The following CD177 variants were observed in gnomAD, a reference collection of about 807,000 sequenced individuals.
CD177 encodes CD177 antigen.
Under a neutral mutation model 38.1 loss-of-function variants are expected in CD177, and 41 were observed. The ratio of observed to expected loss-of-function variants is 1.07; its 90% CI spans 0.84 to 1.39. The LOEUF (loss-of-function observed/expected upper bound fraction) is 1.39, where lower values mean the gene tolerates loss of function less well. Ranked by LOEUF, CD177 falls within the 40% of genes most tolerant of loss-of-function variation. The pLI is 0.00. For synonymous variants in CD177, 236 were observed against 216.7 expected (o/e 1.09, Z -0.78); for missense variants, 619 against 523.8 (o/e 1.18, Z -1.77).
At chr19:43,354,556 C>A in intron 3 of CD177, 164 bp downstream of exon 3, 1 of 696,614 alleles carries the variant, frequency 1.4e-6, no homozygotes, top group Non-Finnish European at 2.4e-6. Context: ...CGCCCCGCTC[C>A]CTTTCCATCC....
chr19:43,354,527 T>G, intron 3 of CD177, 135 bp downstream of exon 3: 1 of 870,560 alleles, frequency 1.1e-6, no homozygotes, highest in Middle Eastern at 3.4e-4. Context: ...CTCCCCTGAC[T>G]GCTCCCTGAC....
Position 43,362,948 on chromosome 19 carries a change from C to A in CD177, c.*628C>A, listed in dbSNP as rs1280619654. ...AATGTGTCGTTAGGTGATTTTATGA[C>A]CATAGGAACATTGTAGCGTGCACTT... is the stretch of plus-strand genomic sequence containing the variant. On this transcript the variant is annotated 3_prime_UTR_variant, in exon 9 of 9. Transcript: ENST00000618265. 1 of 152,210 alleles carries A rather than the reference C, an allele frequency of 6.6e-6. No homozygotes were observed. The highest frequency in any genetic ancestry group is 1.9e-4 in the East Asian group (1 of 5,184). The allele number at this position is 152,210 out of a possible 1,614,324, so 9.4% of individuals were successfully genotyped here.
At chr19:43,360,831 T>G (rs1303066169) in intron 6 of CD177, 3 of 524,222 alleles carry the variant, frequency 5.7e-6, no homozygotes, top group Non-Finnish European at 6.8e-6. Flanking sequence ...AGATCCCAGC[T>G]CTGCAGAGAA....
At chr19:43,354,962 G>C (rs1255022449) in intron 3 of CD177, among the ~76,000 whole-genome samples, 1 of 151,542 alleles carries the variant, frequency 6.6e-6, no homozygotes, top group East Asian at 1.9e-4. Context: ...CTGCTTCTGT[G>C]TCTCCCCTCG....
rs142977234 is a variant in CD177, at chr19:43,360,108, A to G, written c.620-157A>G. On this transcript the variant is annotated intron_variant, in intron 5 of 8. Coordinates refer to ENST00000618265, the MANE Select transcript of CD177 (RefSeq NM_020406.4). ...AGGGAACAATGGGGGTGGGATTTCG[A>G]CTCCCAAGTCCCTTCTGAATCCTTG... Among the ~76,000 whole-genome samples the G allele has an allele frequency of 2.3e-3, 354 of 151,290 alleles. 3 individuals carry two copies. The highest frequency in any genetic ancestry group is 8.2e-3 in the African/African-American group (337 of 41,092).
downstream of CD177, among the ~76,000 whole-genome samples, chr19:43,363,373 CAG>C (rs10572342): frequency 0.74 from 108,046 of 146,854 alleles, 38,053 homozygotes; most frequent in East Asian, 0.97. Context: ...AATCTGCAGA[CAG>C]AGAGAGAGAG....
At chr19:43,354,875 T>C (rs188735381) in intron 3 of CD177, among the ~76,000 whole-genome samples, 1 of 152,160 alleles carries the variant, frequency 6.6e-6, no homozygotes, top group Admixed American at 6.5e-5. Flanking sequence ...TCTCCTGTTC[T>C]TGGAGGTTTA....
intron 3 of CD177, among the ~76,000 whole-genome samples, chr19:43,355,104 CTTTTTTTT>C (rs1156547437): frequency 1.5e-4 from 4 of 26,832 alleles, no homozygotes; most frequent in African/African-American, 6.2e-4. Context: ...CTTTTCTTTT[CTTTTTTTT>C]TTTTTTTTTT....
chr19:43,361,700 G>A (rs927145531), intron 8 of CD177, 121 bp downstream of exon 8: 25 of 1,047,390 alleles, frequency 2.4e-5, no homozygotes, highest in Non-Finnish European at 3.5e-5. Context: ...TGGGGGCCTG[G>A]ACTCCTGGTC....
chr19:43,355,337 C>G (rs1372666198), intron 3 of CD177, among the ~76,000 whole-genome samples: 1 of 151,434 alleles, frequency 6.6e-6, no homozygotes, highest in African/African-American at 2.4e-5. Context: ...TGGTCTTGAA[C>G]TCCTGACCTC....
In CD177 at chr19:43,362,102, A is replaced by C; in HGVS notation, c.1096A>C (p.Lys366Gln). 1.9e-6 allele frequency: 3 copies of C among 1,613,678 alleles called. No homozygotes were observed. Among genetic ancestry groups the C allele is most frequent in the Non-Finnish European group, 2.5e-6 (3 of 1,179,668 alleles). Residue 366 changes from lysine (K) to glutamine (Q), a missense_variant, in exon 9 of 9, where the codon AAA becomes CAA. Lys to Gln is a moderately conservative substitution (Grantham distance 53). Transcript: ENST00000618265. ...IHLSGGGLSTKMSIQGCVAQP... is the reference protein window; with the variant it reads ...IHLSGGGLSTQMSIQGCVAQP... ...TCTCCCTCTAGGTGGGCTGTCCACCAAAATGAGCATTCAGGGCTGCGTGGC... is the reference window on the plus strand; with the variant it reads ...TCTCCCTCTAGGTGGGCTGTCCACCCAAATGAGCATTCAGGGCTGCGTGGC...
rs1196272577 is a variant in CD177, at chr19:43,362,169, G to A, written c.1163G>A (p.Gly388Glu). The change falls in exon 9 of 9, where the codon GGG (glycine) becomes GAG (glutamate). Residue 388 changes from glycine (G) to glutamate (E), a missense_variant. Physicochemically the swap from Gly to Glu is moderately conservative, Grantham distance 98. Coordinates refer to ENST00000618265, the MANE Select transcript of CD177 (RefSeq NM_020406.4). ...TTGTTGAACCACACCAGACAAATCG[G>A]GATCTTCTCTGCGCGTGAGAAGCGT... ...SFLLNHTRQI[G>E]IFSAREKRDV... is the part of the protein sequence containing the mutation. 9.3e-6 allele frequency: 15 copies of A among 1,613,694 alleles called. No individual in the cohort carries two copies. The highest frequency in any genetic ancestry group is 1.2e-5 in the Non-Finnish European group (14 of 1,179,762).
At chr19:43,355,504 C>T (rs1438412667) in intron 3 of CD177, 157 bp from the exon 4 acceptor site, 1 of 813,302 alleles carries the variant, frequency 1.2e-6, no homozygotes, top group Non-Finnish European at 2.1e-6. Context: ...TCTTTATTTT[C>T]CCACATCCAG....
intron 6 of CD177, chr19:43,360,918 G>T (rs1969953139): frequency 4.9e-6 from 3 of 608,654 alleles, no homozygotes; most frequent in Non-Finnish European, 6.0e-6. Context: ...GGAGACTCAT[G>T]GAGAAGGTGA....
Position 43,361,269 on chromosome 19 carries a change from C to T in CD177, c.887C>T (p.Ser296Leu), listed in dbSNP as rs749352682. 5.1e-5 allele frequency: 78 copies of T among 1,544,006 alleles called. No homozygotes were observed. The highest frequency in any genetic ancestry group is 1.7e-4 in the South Asian group (15 of 87,580). ...LVASYTHFCSSDLCNSASSSS... is the reference protein window; with the variant it reads ...LVASYTHFCSLDLCNSASSSS... ...GCCTCCTATACCCACTTCTGCTCCT[C>T]GGACCTGTGCAATAGTGCCAGCAGC... Residue 296 changes from serine to leucine, a missense_variant, in exon 7 of 9, where the codon TCG (serine) becomes TTG (leucine). Physicochemically the swap from Ser to Leu is moderately radical, Grantham distance 145 (BLOSUM62 -2). Transcript: ENST00000618265.
chr19:43,365,234 T>C (rs559771886), downstream of CD177, among the ~76,000 whole-genome samples: 304 of 141,298 alleles, frequency 2.2e-3, no homozygotes, highest in South Asian at 4.0e-3. Flanking sequence ...TCCAGGGGCT[T>C]AGCCCCGGGC....
At chr19:43,361,120 C>T in intron 6 of CD177, 23 bp from the exon 7 acceptor site, 1 of 1,338,100 alleles carries the variant, frequency 7.5e-7, no homozygotes, top group South Asian at 1.2e-5. Context: ...AGTCCCCAGC[C>T]CAGCTTTCCC....
At chr19:43,363,373 C>CAGAG (rs10572342), downstream of CD177, among the ~76,000 whole-genome samples, 5 of 149,070 alleles carry the variant, frequency 3.4e-5, no homozygotes, top group East Asian at 4.0e-4. Flanking sequence ...AATCTGCAGA[C>CAGAG]AGAGAGAGAG....
chr19:43,353,782 A>T lies in CD177; in HGVS notation c.52+16A>T. ...CCACTGCCAGGTGAGTGATGAGCCC[A>T]GCCTGGAGGAGATTCCCTGGAGGCC... On this transcript the variant is annotated intron_variant, in intron 1 of 8. Coordinates refer to ENST00000618265, the MANE Select transcript of CD177 (RefSeq NM_020406.4). 1 of 1,613,924 alleles carries T rather than the reference A, an allele frequency of 6.2e-7. No homozygotes were observed. The highest frequency in any genetic ancestry group is 2.2e-5 in the East Asian group (1 of 44,872).
Sources: gnomAD v4.1 joint callset for allele counts (sites outside exome capture counted in the v4.1 genomes callset) on GRCh38, gnomAD v4.1.1 for gene constraint, MANE v1.5 for transcripts, NCBI Gene and HGNC (gene_info 2026-07-23, HGNC 2026-07-21) for gene names.